The following KLHL1 variants were observed in gnomAD, a reference collection of about 807,000 sequenced individuals.
KLHL1 encodes the protein kelch-like protein 1.
KLHL1 carries 47 observed loss-of-function variants against 77.7 expected under a neutral mutation model. That is an observed-to-expected ratio of 0.60 (90% CI 0.48 to 0.77). The LOEUF (loss-of-function observed/expected upper bound fraction) is 0.77, where lower values mean the gene tolerates loss of function less well. KLHL1 is among the 30% of genes least tolerant of loss of function. KLHL1 has a pLI of 0.00. For missense variants in KLHL1, 925 were observed against 910.8 expected, an observed-to-expected ratio of 1.02 and a Z score of -0.20; for synonymous variants, 360 against 325.2, an observed-to-expected ratio of 1.11 and a Z score of -1.15.
intron 7 of KLHL1, among the ~76,000 whole-genome samples, chr13:69,784,164 T>G (rs983028443): frequency 2.6e-5 from 4 of 152,226 alleles, no homozygotes; most frequent in African/African-American, 9.6e-5. Context: ...AGGCTTGCCC[T>G]ACAAGAGCTC....
intron 1 of KLHL1, among the ~76,000 whole-genome samples, chr13:70,004,203 G>A (rs983611117): frequency 6.6e-6 from 1 of 151,812 alleles, no homozygotes; most frequent in East Asian, 1.9e-4. Flanking sequence ...GTCCTGAAAG[G>A]TTGGAAATAG....
chr13:69,903,424 C>T (rs1355889347), intron 4 of KLHL1, among the ~76,000 whole-genome samples: 2 of 152,062 alleles, frequency 1.3e-5, no homozygotes. Flanking sequence ...CAGCACTTAG[C>T]AAGTTTGCAT....
chr13:70,051,381 G>C (rs534127752), intron 1 of KLHL1, among the ~76,000 whole-genome samples: 1 of 152,044 alleles, frequency 6.6e-6, no homozygotes, highest in South Asian at 2.1e-4. Flanking sequence ...CAGCTTTTCA[G>C]GTTTTACATG....
At chr13:69,780,733 C>CATATATATATATATAT (rs1217018845) in intron 7 of KLHL1, among the ~76,000 whole-genome samples, 9 of 42,098 alleles carry the variant, frequency 2.1e-4, no homozygotes, top group Non-Finnish European at 3.9e-4. Flanking sequence ...TATATATATA[C>CATATATATATATATAT]ATATATATAT....
intron 1 of KLHL1, among the ~76,000 whole-genome samples, chr13:69,998,823 A>T (rs1377810951): frequency 2.0e-5 from 3 of 152,006 alleles, no homozygotes; most frequent in Non-Finnish European, 4.4e-5. Context: ...CTCAACTGCA[A>T]AAGAGTATGC....
intron 1 of KLHL1, among the ~76,000 whole-genome samples, chr13:70,063,052 T>G (rs560119544): frequency 3.7e-4 from 57 of 152,236 alleles, no homozygotes; most frequent in Middle Eastern, 3.4e-3. Flanking sequence ...ACGGTTAAAT[T>G]TGGCCACAGA....
chr13:69,816,274 T>C (rs953345611), intron 6 of KLHL1, among the ~76,000 whole-genome samples: 1 of 151,220 alleles, frequency 6.6e-6, no homozygotes, highest in Non-Finnish European at 1.5e-5. Context: ...CTTTTTTTTT[T>C]TTTTTGGAGA....
rs1386556599 is a variant in KLHL1 at position 70,084,458 on chromosome 13, C to CTTTTTTTTTT, written c.497+22744_497+22745insAAAAAAAAAA. The stretch of plus-strand genomic sequence containing the variant: ...AGTGATATTTTCTAGTCTATTTCTT[C>CTTTTTTTTTT]TTCTTCTTTTTTTTTTTTTGAGACG... On this transcript the variant is annotated intron_variant, in intron 1 of 10. Transcript: ENST00000377844. Among the ~76,000 whole-genome samples the CTTTTTTTTTT allele has an allele frequency of 1.4e-3, 87 of 62,722 alleles. 1 individual carries two copies. Among genetic ancestry groups the CTTTTTTTTTT allele is most frequent in the African/African-American group, 6.0e-3 (85 of 14,156 alleles). The allele number at this position is 62,722 out of a possible 152,430, so 41.1% of individuals were successfully genotyped here. A position where few individuals can be genotyped will look rare whatever the true frequency, so the allele number is the denominator to read the frequency against.
At chr13:69,938,588 T>G (rs2138296975) in intron 4 of KLHL1, among the ~76,000 whole-genome samples, 1 of 152,212 alleles carries the variant, frequency 6.6e-6, no homozygotes, top group Non-Finnish European at 1.5e-5. Flanking sequence ...TTTCTTTGGC[T>G]TAGTTAAGCC....
chr13:70,084,845 G>T (rs1887494774), intron 1 of KLHL1, among the ~76,000 whole-genome samples: 1 of 151,484 alleles, frequency 6.6e-6, no homozygotes, highest in African/African-American at 2.4e-5. Flanking sequence ...AAATATTTTT[G>T]TTCACAGATT....
intron 7 of KLHL1, among the ~76,000 whole-genome samples, chr13:69,757,554 C>A (rs1206597213): frequency 6.6e-6 from 1 of 151,964 alleles, no homozygotes; most frequent in Non-Finnish European, 1.5e-5. Context: ...CTGGGGCAAC[C>A]CAAATGAAGT....
chr13:69,741,895 C>T (rs1345683925), intron 7 of KLHL1, among the ~76,000 whole-genome samples: 1 of 152,108 alleles, frequency 6.6e-6, no homozygotes, highest in African/African-American at 2.4e-5. Flanking sequence ...CAGTTGGTAC[C>T]TTGCTGCAAG....
At chr13:69,884,569 A>G (rs1881123404) in intron 4 of KLHL1, among the ~76,000 whole-genome samples, 1 of 152,150 alleles carries the variant, frequency 6.6e-6, no homozygotes, top group Non-Finnish European at 1.5e-5. Flanking sequence ...GGCCATCAAA[A>G]TATAGTGAGG....
chr13:69,858,004 C>T (rs1879987815), intron 5 of KLHL1, among the ~76,000 whole-genome samples: 1 of 151,890 alleles, frequency 6.6e-6, no homozygotes. Context: ...TAAACAATAA[C>T]TGGTTTTCAA....
chr13:69,978,263 C>A (rs368942018), intron 1 of KLHL1, among the ~76,000 whole-genome samples: 2 of 151,812 alleles, frequency 1.3e-5, no homozygotes, highest in East Asian at 2.0e-4. Context: ...ATAATTAAGT[C>A]AGGATTTGTA....
chr13:69,901,951 C>T (rs1042904316), intron 4 of KLHL1, among the ~76,000 whole-genome samples: 2 of 152,028 alleles, frequency 1.3e-5, no homozygotes, highest in Non-Finnish European at 2.9e-5. Context: ...GCATGTACCA[C>T]CTTGCTCAGC....
intron 5 of KLHL1, among the ~76,000 whole-genome samples, chr13:69,853,211 T>G (rs1039589792): frequency 6.6e-6 from 1 of 151,964 alleles, no homozygotes; most frequent in Non-Finnish European, 1.5e-5. Context: ...AATCCCCACA[T>G]GTCATGGGAG....
Position 69,928,438 on chromosome 13 carries a change from A to G in KLHL1, c.1014+11602T>C, listed in dbSNP as rs566875489. 4.6e-5 allele frequency among the ~76,000 whole-genome samples: 7 copies of G among 152,346 alleles called. No individual in the cohort carries two copies. The South Asian group carries it at 1.4e-3, about 32-fold the overall frequency. On this transcript the variant is annotated intron_variant, in intron 4 of 10. Coordinates refer to ENST00000377844, the MANE Select transcript of KLHL1 (RefSeq NM_020866.3). ...CTGCTGCAACCAGGTATCTCAGCAT[A>G]TTAACTTGCCATGGGCATTGGGCTA...
intron 1 of KLHL1, among the ~76,000 whole-genome samples, chr13:70,079,765 C>T (rs1037252423): frequency 6.6e-6 from 1 of 151,998 alleles, no homozygotes; most frequent in African/African-American, 2.4e-5. Context: ...AATGAGGAAA[C>T]GAAGCATTAG....
Sources: allele counts gnomAD v4.1 joint callset (sites outside exome capture counted in the v4.1 genomes callset), GRCh38; gene constraint gnomAD v4.1.1; transcripts MANE v1.5; gene names NCBI Gene and HGNC (gene_info 2026-07-23, HGNC 2026-07-21).